PCDH11X: variants seen among roughly 807,000 people sequenced by gnomAD.
PCDH11X encodes the protein protocadherin-11 X-linked.
Under a neutral mutation model 53.3 loss-of-function variants are expected in PCDH11X, and 18 were observed. The ratio of observed to expected loss-of-function variants is 0.34; its 90% CI spans 0.23 to 0.50. The LOEUF (loss-of-function observed/expected upper bound fraction) is 0.50. PCDH11X is among the 20% of genes least tolerant of loss of function. The probability of loss-of-function intolerance (pLI) is 0.98; values close to 1 mark genes in which losing one functional copy is unlikely to be tolerated. For synonymous variants in PCDH11X, 279 were observed against 393.3 expected (o/e 0.71, Z 3.44); for missense variants, 570 against 1,032.4 (o/e 0.55, Z 6.14).
intron 7 of PCDH11X, among the ~76,000 whole-genome samples, chrX:92,251,448 C>A (rs983898480): frequency 1.8e-5 from 2 of 110,581 alleles, no homozygotes; most frequent in Non-Finnish European, 3.8e-5. Flanking sequence ...AGAAAAATTC[C>A]TCCTGCTATG....
rs186427274 is a variant in PCDH11X, at chrX:91,902,437, T to A, written c.3033+23164T>A. Among the ~76,000 whole-genome samples, 675 of 105,652 alleles carry A rather than the reference T, an allele frequency of 6.4e-3. 6 individuals are homozygous for A. Among genetic ancestry groups the A allele is most frequent in the African/African-American group, 0.019 (560 of 29,027 alleles). 91.7% of individuals were successfully genotyped at this position (105,652 alleles called of 115,157 possible). A position where few individuals can be genotyped will look rare whatever the true frequency, so the allele number is the denominator to read the frequency against. On this transcript the variant is annotated intron_variant, in intron 6 of 10. Transcript: ENST00000682573. ...TGCATGATGATATTCCCTTCTGATT[T>A]TTTTTGGCCTTCTGGTAATTCCATT...
intron 6 of PCDH11X, among the ~76,000 whole-genome samples, chrX:91,968,558 T>C (rs187988992): frequency 7.7e-4 from 86 of 111,583 alleles, no homozygotes; most frequent in African/African-American, 2.7e-3. Flanking sequence ...CTTTCAAATA[T>C]CCCCTCTTTT....
At chrX:92,037,448 C>G (rs1602730075) in intron 6 of PCDH11X, among the ~76,000 whole-genome samples, 1 of 111,850 alleles carries the variant, frequency 8.9e-6, no homozygotes, top group South Asian at 3.7e-4. Context: ...TTTTCTTTAT[C>G]CAGTCTATTA....
intron 9 of PCDH11X, among the ~76,000 whole-genome samples, chrX:92,410,141 T>C (rs1374419015): frequency 9.0e-6 from 1 of 111,515 alleles, no homozygotes; most frequent in Non-Finnish European, 1.9e-5. Flanking sequence ...TAATTTATTT[T>C]TAAAGAAATA....
intron 6 of PCDH11X, among the ~76,000 whole-genome samples, chrX:91,996,063 G>C (rs370964900): frequency 2.9e-5 from 3 of 104,528 alleles, no homozygotes; most frequent in Non-Finnish European, 3.9e-5. Flanking sequence ...GGATGGTCTC[G>C]ATCTCCTGAC....
At chrX:92,288,444 C>A (rs1266898300) in intron 8 of PCDH11X, among the ~76,000 whole-genome samples, 1 of 103,096 alleles carries the variant, frequency 9.7e-6, no homozygotes, top group Non-Finnish European at 2.0e-5. Flanking sequence ...GGCTGGAGTG[C>A]AGTGGCAGCC....
At chrX:91,792,008 C>T (rs1290073751) in intron 1 of PCDH11X, among the ~76,000 whole-genome samples, 1 of 109,141 alleles carries the variant, frequency 9.2e-6, no homozygotes, top group Non-Finnish European at 1.9e-5. Context: ...ACTACAGGCG[C>T]CCGCCACCGC....
At chrX:92,601,632 C>T (rs1375795794) in intron 10 of PCDH11X, among the ~76,000 whole-genome samples, 1 of 111,322 alleles carries the variant, frequency 9.0e-6, no homozygotes, top group East Asian at 2.8e-4. Context: ...GCATTATTCA[C>T]AGCAGCCAAA....
intron 8 of PCDH11X, among the ~76,000 whole-genome samples, chrX:92,302,391 C>A (rs932267252): frequency 2.0e-4 from 22 of 110,083 alleles, no homozygotes; most frequent in African/African-American, 6.9e-4. Flanking sequence ...TTTTCTTGAA[C>A]AAGTATATCT....
At chrX:92,019,683 G>T (rs751414899) in intron 6 of PCDH11X, among the ~76,000 whole-genome samples, 1 of 112,082 alleles carries the variant, frequency 8.9e-6, no homozygotes, top group South Asian at 3.7e-4. Flanking sequence ...CAACATTCAA[G>T]AATCACTGGG....
chrX:92,597,513 C>T (rs182603645), intron 10 of PCDH11X, among the ~76,000 whole-genome samples: 22 of 110,856 alleles, frequency 2.0e-4, no homozygotes, highest in African/African-American at 3.9e-4. Flanking sequence ...AAAACACTGA[C>T]GAAAAAAATT....
chrX:92,218,970 G>A (rs1465495874), intron 7 of PCDH11X, among the ~76,000 whole-genome samples: 4 of 111,483 alleles, frequency 3.6e-5, no homozygotes, highest in Non-Finnish European at 5.7e-5. Context: ...AATAGATGCA[G>A]AAAAGGCCTT....
intron 10 of PCDH11X, among the ~76,000 whole-genome samples, chrX:92,599,392 A>G (rs917629291): frequency 5.4e-5 from 6 of 110,837 alleles, no homozygotes; most frequent in Non-Finnish European, 1.1e-4. Flanking sequence ...GACCCAGTGG[A>G]GATAATTACA....
chrX:91,844,398 C>T (rs1937582866), intron 5 of PCDH11X, among the ~76,000 whole-genome samples: 1 of 110,348 alleles, frequency 9.1e-6, no homozygotes, highest in Non-Finnish European at 1.9e-5. Flanking sequence ...TTTGTCTCCT[C>T]GTGGCCCTCC....
At chrX:92,560,780 C>T (rs1435741196) in intron 10 of PCDH11X, among the ~76,000 whole-genome samples, 126 of 104,212 alleles carry the variant, frequency 1.2e-3, no homozygotes, top group Non-Finnish European at 2.0e-3. Context: ...AAGAGAACAT[C>T]AGGTAAACTG....
chrX:92,106,850 G>A (rs1198025049), intron 6 of PCDH11X, among the ~76,000 whole-genome samples: 1 of 111,460 alleles, frequency 9.0e-6, no homozygotes, highest in Non-Finnish European at 1.9e-5. Flanking sequence ...CAGTTAACCT[G>A]AAAAACCAGT....
chrX:92,109,231 C>T (rs1486756136), intron 6 of PCDH11X, among the ~76,000 whole-genome samples: 1 of 110,592 alleles, frequency 9.0e-6, no homozygotes, highest in East Asian at 2.8e-4. Flanking sequence ...ATTAGCTGGG[C>T]GTGGTGGCAG....
intron 7 of PCDH11X, among the ~76,000 whole-genome samples, chrX:92,261,586 A>G (rs780636542): frequency 8.9e-6 from 1 of 112,023 alleles, no homozygotes; most frequent in African/African-American, 3.2e-5. Context: ...TAAGTGGTGA[A>G]ACATCTAACA....
intron 6 of PCDH11X, among the ~76,000 whole-genome samples, chrX:92,189,051 A>G (rs1171671802): frequency 9.0e-6 from 1 of 111,340 alleles, no homozygotes; most frequent in Non-Finnish European, 1.9e-5. Flanking sequence ...ATAAATTAAT[A>G]TATACATTTT....
Sources: gnomAD v4.1 joint callset for allele counts (sites outside exome capture counted in the v4.1 genomes callset) on GRCh38, gnomAD v4.1.1 for gene constraint, MANE v1.5 for transcripts, NCBI Gene and HGNC (gene_info 2026-07-23, HGNC 2026-07-21) for gene names.